Variants in MBNL2 observed in about 807,000 individuals in gnomAD.
MBNL2 encodes muscleblind-like protein 2.
In MBNL2, 17 loss-of-function variants were observed where a neutral mutation model predicts 41.9. The observed-to-expected ratio is 0.41, with a 90% CI of 0.28 to 0.61. The LOEUF is 0.61. MBNL2 is among the 20% of genes least tolerant of loss of function. MBNL2 has a pLI of 0.35. For synonymous variants in MBNL2, 195 were observed against 182.9 expected (o/e 1.07, Z -0.53); for missense variants, 336 against 505.6 (o/e 0.66, Z 3.22).
intron 1 of MBNL2, among the ~76,000 whole-genome samples, chr13:97,223,478 G>T (rs1243483249): frequency 6.6e-6 from 1 of 152,052 alleles, no homozygotes; most frequent in Non-Finnish European, 1.5e-5. Flanking sequence ...TTTTTTGTTA[G>T]GCCTCGGAAG....
At chr13:97,311,968 A>C (rs1351717812) in intron 2 of MBNL2, among the ~76,000 whole-genome samples, 1 of 152,202 alleles carries the variant, frequency 6.6e-6, no homozygotes, top group Non-Finnish European at 1.5e-5. Flanking sequence ...AATGAAGGAA[A>C]AGAGCTTCTA....
At chr13:97,354,184 G>A (rs972305916) in intron 5 of MBNL2, among the ~76,000 whole-genome samples, 1 of 152,008 alleles carries the variant, frequency 6.6e-6, no homozygotes, top group Non-Finnish European at 1.5e-5. Context: ...CTGATACATA[G>A]TGAGGGCTCA....
the MBNL2 span, among the ~76,000 whole-genome samples, chr13:97,164,197 G>A: frequency 2.6e-5 from 4 of 152,080 alleles, no homozygotes; most frequent in African/African-American, 4.8e-5. Context: ...TATTAGAGAC[G>A]GGGTTTCGCC....
At chr13:97,215,999 T>C in the MBNL2 span, among the ~76,000 whole-genome samples, 1 of 152,338 alleles carries the variant, frequency 6.6e-6, no homozygotes, top group African/African-American at 2.4e-5. Context: ...ACACATGATT[T>C]CATTTACATG....
At chr13:97,159,179 T>G in the MBNL2 span, among the ~76,000 whole-genome samples, 3 of 152,074 alleles carry the variant, frequency 2.0e-5, no homozygotes, top group African/African-American at 7.3e-5. Context: ...TTGATCTTTG[T>G]TGGTTTAAAG....
chr13:97,282,572 G>GGT (rs1288069497), intron 2 of MBNL2, among the ~76,000 whole-genome samples: 2 of 151,912 alleles, frequency 1.3e-5, no homozygotes, highest in African/African-American at 4.8e-5. Context: ...AGGCATTGTT[G>GGT]GTGTGTGTGT....
chr13:97,181,403 C>A, the MBNL2 span, among the ~76,000 whole-genome samples: 1 of 152,042 alleles, frequency 6.6e-6, no homozygotes, highest in Non-Finnish European at 1.5e-5. Flanking sequence ...AAAAAAGGAA[C>A]GCAATTTTTA....
At chr13:97,347,750 C>T (rs143452958) in intron 5 of MBNL2, among the ~76,000 whole-genome samples, 1 of 152,126 alleles carries the variant, frequency 6.6e-6, no homozygotes, top group Non-Finnish European at 1.5e-5. Flanking sequence ...TCATTATCAT[C>T]GCCTGGGAGC....
At chr13:97,161,358 T>G in the MBNL2 span, among the ~76,000 whole-genome samples, 1 of 152,192 alleles carries the variant, frequency 6.6e-6, no homozygotes, top group Non-Finnish European at 1.5e-5. Flanking sequence ...TGCAGCTACA[T>G]TGAACCTCAC....
intron 1 of MBNL2, among the ~76,000 whole-genome samples, chr13:97,273,969 G>T (rs1237360529): frequency 2.6e-5 from 4 of 152,082 alleles, no homozygotes; most frequent in African/African-American, 9.7e-5. Context: ...GCTGAGGCAG[G>T]AGAATCACTT....
At chr13:97,178,447 G>T in the MBNL2 span, among the ~76,000 whole-genome samples, 1 of 152,162 alleles carries the variant, frequency 6.6e-6, no homozygotes, top group African/African-American at 2.4e-5. Flanking sequence ...ACATAGTAAA[G>T]ACTGAATATT....
At chr13:97,142,406 G>T in the MBNL2 span, among the ~76,000 whole-genome samples, 1 of 152,194 alleles carries the variant, frequency 6.6e-6, no homozygotes, top group Non-Finnish European at 1.5e-5. Context: ...CTGAAGGCAA[G>T]GACCTTGTCT....
intron 8 of MBNL2, among the ~76,000 whole-genome samples, chr13:97,370,535 G>A (rs2064261992): frequency 6.6e-6 from 1 of 152,044 alleles, no homozygotes; most frequent in African/African-American, 2.4e-5. Flanking sequence ...CAGGCATGGT[G>A]GCGCATGCCT....
intron 3 of MBNL2, among the ~76,000 whole-genome samples, chr13:97,337,119 C>T (rs1382659243): frequency 6.6e-6 from 1 of 152,090 alleles, no homozygotes; most frequent in Non-Finnish European, 1.5e-5. Context: ...GGGTGGAGCC[C>T]TCATGAATGG....
At chr13:97,347,312 G>A (rs1284560684) in intron 5 of MBNL2, among the ~76,000 whole-genome samples, 2 of 152,124 alleles carry the variant, frequency 1.3e-5, no homozygotes, top group Non-Finnish European at 2.9e-5. Context: ...CCTGAGCTCC[G>A]TTCCCCCTCC....
the MBNL2 span, among the ~76,000 whole-genome samples, chr13:97,148,722 T>C: frequency 6.6e-6 from 1 of 152,180 alleles, no homozygotes; most frequent in African/African-American, 2.4e-5. Flanking sequence ...ATGGGAAATA[T>C]CAATATATTT....
upstream of MBNL2, among the ~76,000 whole-genome samples, chr13:97,216,832 G>A (rs1199772854): frequency 7.3e-5 from 11 of 151,606 alleles, no homozygotes; most frequent in Admixed American, 5.9e-4. Flanking sequence ...CTTTAAATTC[G>A]TGCATGTGTG....
the MBNL2 span, among the ~76,000 whole-genome samples, chr13:97,199,426 T>G: frequency 2.0e-5 from 3 of 152,186 alleles, no homozygotes; most frequent in African/African-American, 7.2e-5. Context: ...GGCAAGGAGT[T>G]TGTCTATTGT....
At chr13:97,370,263 G>A (rs764567995) in intron 8 of MBNL2, among the ~76,000 whole-genome samples, 1 of 152,182 alleles carries the variant, frequency 6.6e-6, no homozygotes, top group Non-Finnish European at 1.5e-5. Context: ...CTTTAACCAT[G>A]ATGGTATACT....
Sources: allele counts gnomAD v4.1 joint callset (sites outside exome capture counted in the v4.1 genomes callset), GRCh38; gene constraint gnomAD v4.1.1; transcripts MANE v1.5; gene names NCBI Gene and HGNC (gene_info 2026-07-23, HGNC 2026-07-21).